PTHLH: variants seen among roughly 807,000 people sequenced by gnomAD.
PTHLH encodes the protein parathyroid hormone like hormone.
PTHLH carries 5 observed loss-of-function variants against 18.6 expected under a neutral mutation model. That is an observed-to-expected ratio of 0.27 (90% confidence interval 0.14 to 0.56). The LOEUF (loss-of-function observed/expected upper bound fraction) is 0.56, where lower values mean the gene tolerates loss of function less well. Among genes scored for constraint, PTHLH ranks in the 20% least tolerant of loss-of-function variants. The pLI, the probability that PTHLH is intolerant of heterozygous loss-of-function variation, is 0.92. For synonymous variants in PTHLH, 90 were observed against 94.0 expected, an observed-to-expected ratio of 0.96 and a Z score of 0.25; for missense variants, 207 against 223.9, an observed-to-expected ratio of 0.92 and a Z score of 0.48.
chr12:27,963,252 G>C, intron 5 of PTHLH, 96 bp downstream of exon 5: 1 of 1,593,458 alleles, frequency 6.3e-7, no homozygotes, highest in Non-Finnish European at 8.5e-7. Context: ...CATAAAGGGA[G>C]AAAATTCTAG....
At chr12:27,972,136 T>C (rs2062876445) in intron 1 of PTHLH, 117 bp from the exon 2 acceptor site, 1 of 151,156 alleles carries the variant, frequency 6.6e-6, no homozygotes, top group African/African-American at 2.4e-5. Context: ...AAGTCCAAGG[T>C]ACCTAGCCAA....
chr12:27,970,871 C>T (rs1022918072), intron 2 of PTHLH, among the ~76,000 whole-genome samples: 2 of 152,212 alleles, frequency 1.3e-5, no homozygotes, highest in African/African-American at 2.4e-5. Flanking sequence ...CTGGCCCATT[C>T]CCGGGATGAA....
rs1303298255 is a variant in PTHLH at position 27,969,438 on chromosome 12, C to T, written c.57G>A (p.Ala19=). ...CCACCGAGCGCCCGCAGGAGGGCAC[C>T]GCGTAGCTCAGCAGGAACACCGCGA... ...WSVAVFLLSY[A]VPSCGRSVEG... The change falls in exon 4 of 6, where the codon GCG becomes GCA. Residue 19 remains alanine (A), a synonymous_variant. Coordinates refer to ENST00000545234, the MANE Select transcript of PTHLH (RefSeq NM_198965.2). 3 of 1,595,718 alleles carry T rather than the reference C, an allele frequency of 1.9e-6. No individual in the cohort carries two copies. The highest frequency in any genetic ancestry group is 1.7e-5 in the Admixed American group (1 of 58,592).
intron 4 of PTHLH, among the ~76,000 whole-genome samples, chr12:27,968,243 C>T (rs1449131099): frequency 6.6e-6 from 1 of 152,196 alleles, no homozygotes; most frequent in Non-Finnish European, 1.5e-5. Flanking sequence ...AAGGTTCCGA[C>T]ATGTCTAAAG....
chr12:27,963,342 T>A lies in PTHLH; in HGVS notation c.524+6A>T. The A allele has an allele frequency of 6.2e-7, 1 of 1,614,198 alleles. No homozygotes were observed. The highest frequency in any genetic ancestry group is 8.5e-7 in the Non-Finnish European group (1 of 1,180,038). On this transcript the variant is annotated splice_donor_region_variant and intron_variant, in intron 5 of 5. Transcript: ENST00000545234. ...GCTGAGGCTACGGGCCAGAGAAGCC[T>A]GTTACCGTGAATCGAGCTCCAGCGA...
rs2062874640 is a variant in PTHLH at position 27,971,940 on chromosome 12, A to C, written c.-279T>G. The C allele has an allele frequency of 6.6e-6, 1 of 151,426 alleles. No individual in the cohort carries two copies. Among genetic ancestry groups the C allele is most frequent in the Non-Finnish European group, 1.5e-5 (1 of 67,914 alleles). The allele number at this position is 151,426 out of a possible 1,614,324, so 9.4% of individuals were successfully genotyped here. A position where few individuals can be genotyped will look rare whatever the true frequency, so the allele number is the denominator to read the frequency against. On this transcript the variant is annotated 5_prime_UTR_variant, in exon 2 of 6. Coordinates refer to ENST00000545234, the MANE Select transcript of PTHLH (RefSeq NM_198965.2). The stretch of plus-strand genomic sequence containing the variant: ...AGAAATGTCAACCTTTGAACCTCGA[A>C]CACTTTCTGATTTATAAAAAGAATC...
chr12:27,970,395 G>A (rs1169993221), intron 2 of PTHLH, 128 bp from the exon 3 acceptor site: 1 of 148,058 alleles, frequency 6.8e-6, no homozygotes, highest in Non-Finnish European at 1.5e-5. Context: ...GCCCGAACGG[G>A]CCCCGCGCCG....
At chr12:27,962,232 CTAGATAGATAGA>C (rs35742272) in intron 5 of PTHLH, 3 of 255,182 alleles carry the variant, frequency 1.2e-5, no homozygotes, top group South Asian at 1.1e-4. Context: ...ACATACCCCC[CTAGATAGATAGA>C]TAGATAGATA....
Position 27,963,610 on chromosome 12 carries a change from T to A in PTHLH, c.262A>T (p.Thr88Ser). 3.7e-6 allele frequency: 6 copies of A among 1,614,102 alleles called. No individual in the cohort carries two copies. Among genetic ancestry groups the A allele is most frequent in the Non-Finnish European group, 5.1e-6 (6 of 1,180,020 alleles). Residue 88 changes from threonine (T) to serine (S), a missense_variant, in exon 5 of 6, where the codon ACA becomes TCA. Thr to Ser is a moderately conservative substitution (Grantham distance 58). Transcript: ENST00000545234. ...CCAAATCGGACGGGGTGGTTCTTTG[T>A]GTTGGGAGAGGGCTTGGAGTTAGGG... is the stretch of plus-strand genomic sequence containing the variant. ...VSPNSKPSPN[T>S]KNHPVRFGSD... is the part of the protein sequence containing the mutation.
rs370485908 is a variant in PTHLH, at chr12:27,963,340, C to T, written c.524+8G>A. The stretch of plus-strand genomic sequence containing the variant: ...CCGCTGAGGCTACGGGCCAGAGAAG[C>T]CTGTTACCGTGAATCGAGCTCCAGC... On this transcript the variant is annotated splice_region_variant and intron_variant, in intron 5 of 5. Coordinates refer to ENST00000545234, the MANE Select transcript of PTHLH (RefSeq NM_198965.2). The T allele has an allele frequency of 6.2e-7, 1 of 1,614,224 alleles. No homozygotes were observed. The highest frequency in any genetic ancestry group is 8.5e-7 in the Non-Finnish European group (1 of 1,180,036).
intron 4 of PTHLH, among the ~76,000 whole-genome samples, chr12:27,968,772 A>G (rs1198367703): frequency 1.3e-5 from 2 of 152,258 alleles, no homozygotes; most frequent in East Asian, 3.8e-4. Context: ...AAAAGGTTCC[A>G]CACCTAAAAT....
At chr12:27,962,597 G>A in intron 5 of PTHLH, 1 of 985,434 alleles carries the variant, frequency 1.0e-6, no homozygotes, top group Non-Finnish European at 1.2e-6. Flanking sequence ...TAAATGTGAA[G>A]TTTTATTTTT....
At chr12:27,970,610 G>C (rs1180853850) in intron 2 of PTHLH, among the ~76,000 whole-genome samples, 1 of 151,942 alleles carries the variant, frequency 6.6e-6, no homozygotes, top group Non-Finnish European at 1.5e-5. Flanking sequence ...CCGGCGCGGC[G>C]GATCCGGGAG....
intron 5 of PTHLH, among the ~76,000 whole-genome samples, chr12:27,960,129 G>C (rs1216561614): frequency 6.6e-6 from 1 of 152,164 alleles, no homozygotes; most frequent in Non-Finnish European, 1.5e-5. Flanking sequence ...GAATAGCCAA[G>C]TAAAACACCT....
intron 2 of PTHLH, among the ~76,000 whole-genome samples, chr12:27,970,642 G>A (rs1333057732): frequency 6.6e-6 from 1 of 152,000 alleles, no homozygotes; most frequent in African/African-American, 2.4e-5. Flanking sequence ...GAGGGCGTGC[G>A]GACTGCCCCG....
rs949620247 is a variant in PTHLH, at chr12:27,969,506, G to A, written c.-12C>T. 4 of 1,561,500 alleles carry A rather than the reference G, an allele frequency of 2.6e-6. No individual in the cohort carries two copies. The South Asian group carries it at 3.5e-5, about 14-fold the overall frequency. ...AGTCTCCGCTGCATCGTCTCCGCTC[G>A]CGCTCGGGACCTGCAACAGAAGGGA... On this transcript the variant is annotated 5_prime_UTR_variant, in exon 4 of 6. Transcript: ENST00000545234.
chr12:27,960,930 A>G (rs986151966), intron 5 of PTHLH, among the ~76,000 whole-genome samples: 3 of 152,040 alleles, frequency 2.0e-5, no homozygotes, highest in Non-Finnish European at 2.9e-5. Context: ...GGCCCCATAC[A>G]TTCTCATCAA....
intron 5 of PTHLH, chr12:27,962,998 G>A (rs977608090): frequency 2.2e-5 from 26 of 1,191,070 alleles, no homozygotes; most frequent in Middle Eastern, 3.5e-4. Flanking sequence ...GTGAGAGTAA[G>A]GGGAAGAAAC....
In PTHLH at chr12:27,969,386, G is replaced by A. The variant is rs576857367; in HGVS notation, c.101+8C>T. The A allele has an allele frequency of 1.3e-6, 2 of 1,570,364 alleles. No homozygotes were observed. The highest frequency in any genetic ancestry group is 1.3e-5 in the African/African-American group (1 of 74,076). On this transcript the variant is annotated splice_region_variant and intron_variant, in intron 4 of 5. Coordinates refer to ENST00000545234, the MANE Select transcript of PTHLH (RefSeq NM_198965.2). ...AACCCGGCGCCCTGGGGAGGATGGGGCACTTACAGGCGGCGGCTGAGACCC... is the reference window on the plus strand; with the variant it reads ...AACCCGGCGCCCTGGGGAGGATGGGACACTTACAGGCGGCGGCTGAGACCC...
Sources: allele counts gnomAD v4.1 joint callset (sites outside exome capture counted in the v4.1 genomes callset), GRCh38; gene constraint gnomAD v4.1.1; transcripts MANE v1.5; gene names NCBI Gene and HGNC (gene_info 2026-07-23, HGNC 2026-07-21).